The following SESN3 variants were observed in gnomAD, a reference collection of about 807,000 sequenced individuals.
SESN3 encodes sestrin-3.
Under a neutral mutation model 55.3 loss-of-function variants are expected in SESN3, and 21 were observed. The ratio of observed to expected loss-of-function variants is 0.38; its 90% CI spans 0.27 to 0.55. SESN3 has a LOEUF of 0.55. Ranked by LOEUF, SESN3 falls within the 20% of genes least tolerant of loss-of-function variation. SESN3 has a pLI of 0.76. For synonymous variants in SESN3, 181 were observed against 203.1 expected (o/e 0.89, Z 0.93); for missense variants, 408 against 604.3 (o/e 0.68, Z 3.41).
chr11:95,182,850 G>A (rs1038134519), intron 6 of SESN3, among the ~76,000 whole-genome samples: 2 of 151,940 alleles, frequency 1.3e-5, no homozygotes, highest in African/African-American at 4.8e-5. Flanking sequence ...CCTTACCATC[G>A]TGCCTTTGCT....
intron 1 of SESN3, among the ~76,000 whole-genome samples, chr11:95,227,736 CTTT>C (rs1327126459): frequency 1.3e-5 from 2 of 152,160 alleles, no homozygotes; most frequent in Non-Finnish European, 2.9e-5. Context: ...GAATATGCCA[CTTT>C]TTTATTTACT....
Position 95,185,338 on chromosome 11 carries a change from A to G in SESN3, c.680T>C (p.Ile227Thr), listed in dbSNP as rs11021069. ...DPEISNGFRL[I>T]SVNNFCVCDL... is the part of the protein sequence containing the mutation. Reference sequence around the variant, plus strand: ...ACAAACGCAGAAATTGTTGACTGATATTAGCCTGAATCCATTGGAGATTTC... The same window carrying G: ...ACAAACGCAGAAATTGTTGACTGATGTTAGCCTGAATCCATTGGAGATTTC... Residue 227 changes from isoleucine (I) to threonine (T), a missense_variant, in exon 5 of 10, where the codon ATA becomes ACA. Transcript: ENST00000536441. 6.2e-7 allele frequency: 1 copy of G among 1,613,214 alleles called. No individual in the cohort carries two copies. The highest frequency in any genetic ancestry group is 2.2e-5 in the East Asian group (1 of 44,850).
chr11:95,221,910 T>C (rs1860865666), intron 1 of SESN3, among the ~76,000 whole-genome samples: 1 of 152,210 alleles, frequency 6.6e-6, no homozygotes, highest in Non-Finnish European at 1.5e-5. Flanking sequence ...TCTGGGCCTA[T>C]GAACAATTCT....
At chr11:95,194,230 C>T (rs950700132) in intron 1 of SESN3, among the ~76,000 whole-genome samples, 2 of 151,922 alleles carry the variant, frequency 1.3e-5, no homozygotes, top group Non-Finnish European at 2.9e-5. Flanking sequence ...CATAAAAATT[C>T]GAATCAGAGA....
chr11:95,179,616 A>G (rs879498110), intron 6 of SESN3, among the ~76,000 whole-genome samples: 2 of 152,178 alleles, frequency 1.3e-5, no homozygotes, highest in Non-Finnish European at 2.9e-5. Context: ...AAAAAAGCAT[A>G]TAGGGAGAAA....
intron 1 of SESN3, among the ~76,000 whole-genome samples, chr11:95,218,647 CTTT>C (rs68150878): frequency 3.3e-5 from 4 of 122,042 alleles, no homozygotes; most frequent in Non-Finnish European, 1.7e-5. Context: ...GATTTACCCT[CTTT>C]TTTTTTTTTT....
At chr11:95,188,636 G>C (rs373382003) in intron 4 of SESN3, among the ~76,000 whole-genome samples, 5 of 151,658 alleles carry the variant, frequency 3.3e-5, no homozygotes, top group African/African-American at 9.7e-5. Context: ...GAAATGCCCT[G>C]CTCTACTTGA....
At position 95,172,658 on chromosome 11, in the gene SESN3, AAAC is replaced by A. The variant is rs780976939; in HGVS notation, c.*594_*596del. ...TTTCATGTTATCGCCAATAGCAGTA[AAAC>A]AACAATAAATGAACAAACAAACAAA... is the stretch of plus-strand genomic sequence containing the variant. On this transcript the variant is annotated 3_prime_UTR_variant, in exon 10 of 10. Coordinates refer to ENST00000536441, the MANE Select transcript of SESN3 (RefSeq NM_144665.4). 1 of 152,318 alleles carries A rather than the reference AAAC, an allele frequency of 6.6e-6. No individual in the cohort carries two copies. The highest frequency in any genetic ancestry group is 6.5e-5 in the Admixed American group (1 of 15,304). The allele number at this position is 152,318 out of a possible 1,614,324, so 9.4% of individuals were successfully genotyped here.
At chr11:95,207,621 T>A (rs949401815) in intron 1 of SESN3, among the ~76,000 whole-genome samples, 5 of 151,600 alleles carry the variant, frequency 3.3e-5, no homozygotes, top group African/African-American at 1.2e-4. Context: ...TAAAAAATGT[T>A]TTATTTTAAA....
Position 95,175,631 on chromosome 11 carries a change from T to A in SESN3, c.1259A>T (p.Tyr420Phe). ...TAATTGATTAACTTCTCCATAATCA[T>A]AGTCATCATACCTACGAGCAATACA... Reference protein sequence around the residue: ...HCMFGIRYDDYDYGEVNQLLE... With the variant: ...HCMFGIRYDDFDYGEVNQLLE... Residue 420 changes from tyrosine (Y) to phenylalanine (F), a missense_variant, in exon 9 of 10, where the codon TAT (tyrosine) becomes TTT (phenylalanine). By Grantham distance (22) the Tyr-to-Phe change is conservative. Around this residue, in one of 4 missense-constraint regions of SESN3, gnomAD observed 121 missense variants for 204.9 expected, o/e 0.59. Transcript: ENST00000536441. 1 of 1,611,940 alleles carries A rather than the reference T, an allele frequency of 6.2e-7. No homozygotes were observed. Among genetic ancestry groups the A allele is most frequent in the Non-Finnish European group, 8.5e-7 (1 of 1,178,440 alleles).
chr11:95,218,811 C>T (rs960116723), intron 1 of SESN3, among the ~76,000 whole-genome samples: 1 of 152,106 alleles, frequency 6.6e-6, no homozygotes, highest in African/African-American at 2.4e-5. Context: ...CCACCAAGCC[C>T]GCTAATTTTT....
upstream of SESN3, chr11:95,232,183 C>G (rs1274551067): frequency 1.3e-5 from 2 of 152,252 alleles, no homozygotes; most frequent in African/African-American, 4.8e-5. Context: ...AATGGTAAGT[C>G]AGGGTTTTAG....
rs940874289 is a variant in SESN3 at position 95,184,427 on chromosome 11, A to C, written c.930T>G (p.Pro310=). 24 of 1,613,324 alleles carry C rather than the reference A, an allele frequency of 1.5e-5. No individual in the cohort carries two copies. The highest frequency in any genetic ancestry group is 2.0e-5 in the Non-Finnish European group (24 of 1,179,730). The change falls in exon 6 of 10, where the codon CCT becomes CCG. Residue 310 remains proline (P), a synonymous_variant. Coordinates refer to ENST00000536441, the MANE Select transcript of SESN3 (RefSeq NM_144665.4). The part of the protein sequence containing the change: ...VVSGDTFHSF[P]HSDFEDDMII... ...AAAAGTGCAAAAAAGCACCTGAATG[A>C]GGAAATGAATGAAAAGTATCTCCAG...
At chr11:95,187,163 T>C (rs1330389131) in intron 4 of SESN3, among the ~76,000 whole-genome samples, 1 of 151,970 alleles carries the variant, frequency 6.6e-6, no homozygotes, top group East Asian at 1.9e-4. Context: ...ATTTGTTTTG[T>C]TTATTTGCTT....
rs74931275 is a variant in SESN3, at chr11:95,182,528, A to G, written c.937+1892T>C. On this transcript the variant is annotated intron_variant, in intron 6 of 9. Transcript: ENST00000536441. ...AGCACTGGCATTACTTGGAGGCTTG[A>G]TAGAAATGTGGCCTCTCAGGCCCTA... Among the ~76,000 whole-genome samples the G allele has an allele frequency of 6.6e-3, 1,012 of 152,276 alleles. 11 individuals are homozygous for G. The highest frequency in any genetic ancestry group is 0.023 in the African/African-American group (975 of 41,560).
intron 1 of SESN3, among the ~76,000 whole-genome samples, chr11:95,219,121 AATCTC>A (rs1370543676): frequency 2.4e-5 from 2 of 84,322 alleles, no homozygotes; most frequent in Non-Finnish European, 6.3e-5. Flanking sequence ...TATAAAAATT[AATCTC>A]AGGAGGTTAA....
chr11:95,204,212 A>G (rs1251071176), intron 1 of SESN3, among the ~76,000 whole-genome samples: 1 of 152,202 alleles, frequency 6.6e-6, no homozygotes, highest in African/African-American at 2.4e-5. Flanking sequence ...TGGGTTTATG[A>G]AGCTTCATTA....
At chr11:95,198,183 T>G (rs572381641) in intron 1 of SESN3, among the ~76,000 whole-genome samples, 1 of 152,290 alleles carries the variant, frequency 6.6e-6, no homozygotes, top group South Asian at 2.1e-4. Context: ...ATTTCTCTCA[T>G]GCCAAGAAAC....
intron 1 of SESN3, among the ~76,000 whole-genome samples, chr11:95,207,142 T>TAGGCACTCCAACCTGGGCAA (rs1565471779): frequency 1.6e-5 from 2 of 127,628 alleles, no homozygotes; most frequent in Admixed American, 8.2e-5. Context: ...CACTAGGCAT[T>TAGGCACTCCAACCTGGGCAA]CTAAGTTTAA....
Sources: allele counts gnomAD v4.1 joint callset (sites outside exome capture counted in the v4.1 genomes callset), GRCh38; gene constraint gnomAD v4.1.1; regional missense constraint gnomAD v4.1.1; transcripts MANE v1.5; gene names NCBI Gene and HGNC (gene_info 2026-07-23, HGNC 2026-07-21).